Variants in TMOD3 observed in about 807,000 individuals in gnomAD.
TMOD3 encodes the protein tropomodulin-3.
In TMOD3, 20 loss-of-function variants were observed where a neutral mutation model predicts 39.2. The observed-to-expected ratio is 0.51, with a 90% CI of 0.36 to 0.74. TMOD3 has a LOEUF of 0.74. Among genes scored for constraint, TMOD3 ranks in the 30% least tolerant of loss-of-function variants. The probability of loss-of-function intolerance (pLI) is 0.00; values close to 1 mark genes in which losing one functional copy is unlikely to be tolerated. For synonymous variants in TMOD3, 143 were observed against 145.8 expected (o/e 0.98, Z 0.14); for missense variants, 381 against 412.8 (o/e 0.92, Z 0.67).
intron 4 of TMOD3, among the ~76,000 whole-genome samples, chr15:51,888,437 C>T (rs1230389693): frequency 6.6e-6 from 1 of 152,210 alleles, no homozygotes; most frequent in African/African-American, 2.4e-5. Flanking sequence ...ACTGACAGAT[C>T]TGTAAACAGT....
chr15:51,834,941 T>C (rs182231238), intron 1 of TMOD3: 9 of 152,366 alleles, frequency 5.9e-5, no homozygotes, highest in African/African-American at 2.2e-4. Flanking sequence ...ATTGTCAGTT[T>C]CTTAAGCACG....
chr15:51,844,068 A>C (rs1006481467), intron 1 of TMOD3, among the ~76,000 whole-genome samples: 1 of 152,088 alleles, frequency 6.6e-6, no homozygotes, highest in Non-Finnish European at 1.5e-5. Flanking sequence ...AACTGCAACA[A>C]ATGATTGAAT....
Position 51,901,994 on chromosome 15 carries a change from C to G in TMOD3, c.982C>G (p.Arg328Gly). The G allele has an allele frequency of 1.2e-6, 2 of 1,614,024 alleles. No individual in the cohort carries two copies. The highest frequency in any genetic ancestry group is 1.7e-6 in the Non-Finnish European group (2 of 1,179,994). The change falls in exon 9 of 10, where the codon CGA becomes GGA. Residue 328 changes from arginine (R) to glycine (G), a missense_variant. Transcript: ENST00000308580. ...ATATCAGTTTACACAGCAGGGACCA[C>G]GAACCAGAGCAGCTAATGCTATAAC... Reference protein sequence around the residue: ...FGYQFTQQGPRTRAANAITKN... With the variant: ...FGYQFTQQGPGTRAANAITKN...
intron 7 of TMOD3, among the ~76,000 whole-genome samples, chr15:51,897,525 C>A (rs189276586): frequency 2.9e-5 from 4 of 137,670 alleles, no homozygotes; most frequent in Admixed American, 7.9e-5. Flanking sequence ...CACTCTGTTG[C>A]CCCGGCTAGA....
At chr15:51,849,316 T>G (rs1486552920) in intron 1 of TMOD3, among the ~76,000 whole-genome samples, 1 of 152,166 alleles carries the variant, frequency 6.6e-6, no homozygotes, top group East Asian at 1.9e-4. Context: ...ATGTTTACAT[T>G]TGAGAAACCT....
chr15:51,902,109 TAAG>T, intron 9 of TMOD3, 73 bp downstream of exon 9: 3 of 1,540,746 alleles, frequency 1.9e-6, no homozygotes, highest in Non-Finnish European at 2.6e-6. Context: ...CTTTCCCTCT[TAAG>T]AATAAATTCT....
chr15:51,901,650 A>G (rs891796895), intron 8 of TMOD3, among the ~76,000 whole-genome samples: 4 of 149,848 alleles, frequency 2.7e-5, no homozygotes, highest in Admixed American at 1.3e-4. Flanking sequence ...GATTGGGTCA[A>G]TGGGTAAAAT....
At chr15:51,868,375 GGTTT>G (rs2056458052) in intron 2 of TMOD3, among the ~76,000 whole-genome samples, 1 of 152,040 alleles carries the variant, frequency 6.6e-6, no homozygotes, top group Non-Finnish European at 1.5e-5. Flanking sequence ...GTGTCATGGG[GGTTT>G]GTTGTACAGA....
intron 9 of TMOD3, among the ~76,000 whole-genome samples, chr15:51,907,020 C>CAA (rs11419380): frequency 0.06 from 6,977 of 115,800 alleles, 226 homozygotes; most frequent in Non-Finnish European, 0.075. Context: ...AACTCCGTCT[C>CAA]AAAAAAAAAA....
intron 2 of TMOD3, among the ~76,000 whole-genome samples, chr15:51,863,502 T>C (rs1377863683): frequency 1.3e-5 from 2 of 152,226 alleles, no homozygotes; most frequent in African/African-American, 2.4e-5. Flanking sequence ...TTCTTGGCAA[T>C]ACAGCAGTCC....
Position 51,900,278 on chromosome 15 carries a change from G to A in TMOD3, c.859G>A (p.Glu287Lys). The A allele has an allele frequency of 6.2e-7, 1 of 1,614,152 alleles. No homozygotes were observed. Among genetic ancestry groups the A allele is most frequent in the Non-Finnish European group, 8.5e-7 (1 of 1,180,022 alleles). Residue 287 changes from glutamate to lysine, a missense_variant, in exon 8 of 10, where the codon GAG (glutamate) becomes AAG (lysine). Coordinates refer to ENST00000308580, the MANE Select transcript of TMOD3 (RefSeq NM_014547.5). ...DALRDNETLA[E>K]LKIDNQRQQL... ...GTTAAGAGATAATGAAACCCTGGCA[G>A]AGCTCAAGATTGACAATCAGGTCAA...
At chr15:51,832,160 C>T (rs1025049549) in intron 1 of TMOD3, among the ~76,000 whole-genome samples, 18 of 136,316 alleles carry the variant, frequency 1.3e-4, no homozygotes, top group East Asian at 2.2e-4. Context: ...CTCCAGCCTG[C>T]GTGACAGAGT....
chr15:51,901,613 A>G (rs939681944), intron 8 of TMOD3: 121 of 268,512 alleles, frequency 4.5e-4, no homozygotes, highest in East Asian at 1.1e-3. Flanking sequence ...GTGTGTGTGT[A>G]TAAAGTTCCA....
At chr15:51,887,906 C>T (rs565582597) in intron 4 of TMOD3, among the ~76,000 whole-genome samples, 195 bp downstream of exon 4, 1 of 152,312 alleles carries the variant, frequency 6.6e-6, no homozygotes, top group East Asian at 1.9e-4. Context: ...CTCTCAATAG[C>T]AAAATGTTTA....
At chr15:51,868,089 C>G (rs1028075212) in intron 2 of TMOD3, among the ~76,000 whole-genome samples, 2 of 152,196 alleles carry the variant, frequency 1.3e-5, no homozygotes, top group Admixed American at 6.5e-5. Flanking sequence ...CATACACACA[C>G]AAGTGGAACA....
At chr15:51,857,946 T>C (rs2056396624) in intron 1 of TMOD3, 1 of 152,260 alleles carries the variant, frequency 6.6e-6, no homozygotes, top group Admixed American at 6.5e-5. Context: ...TTACATTTTA[T>C]GGCTAATATA....
chr15:51,876,824 G>A (rs192926762), intron 3 of TMOD3, among the ~76,000 whole-genome samples: 4 of 151,984 alleles, frequency 2.6e-5, no homozygotes, highest in Non-Finnish European at 5.9e-5. Context: ...CTGTAATTGC[G>A]GCACTGCGGG....
At chr15:51,849,920 C>T (rs565086369) in intron 1 of TMOD3, among the ~76,000 whole-genome samples, 42 of 148,814 alleles carry the variant, frequency 2.8e-4, no homozygotes, top group Admixed American at 2.1e-3. Flanking sequence ...GGTGACAGAA[C>T]GAGACTCTGT....
intron 2 of TMOD3, among the ~76,000 whole-genome samples, chr15:51,867,903 C>T (rs1173519086): frequency 1.3e-5 from 2 of 152,170 alleles, no homozygotes; most frequent in Admixed American, 1.3e-4. Flanking sequence ...TAATCCATCA[C>T]CTTCCACTGC....
Sources: gnomAD v4.1 joint callset for allele counts (sites outside exome capture counted in the v4.1 genomes callset) on GRCh38, gnomAD v4.1.1 for gene constraint, MANE v1.5 for transcripts, NCBI Gene and HGNC (gene_info 2026-07-23, HGNC 2026-07-21) for gene names.